Variants in ARHGEF9 observed in about 807,000 individuals in gnomAD.
ARHGEF9 encodes Cdc42 guanine nucleotide exchange factor 9.
ARHGEF9 carries 2 observed loss-of-function variants against 41.3 expected under a neutral mutation model. That is an observed-to-expected ratio of 0.05 (90% confidence interval 0.02 to 0.15). The LOEUF (loss-of-function observed/expected upper bound fraction) is 0.15. Among genes scored for constraint, ARHGEF9 ranks in the 10% least tolerant of loss-of-function variants. The probability of loss-of-function intolerance (pLI) is 1.00; values close to 1 mark genes in which losing one functional copy is unlikely to be tolerated. For synonymous variants in ARHGEF9, 160 were observed against 154.4 expected, an observed-to-expected ratio of 1.04 and a Z score of -0.27; for missense variants, 225 against 424.7, an observed-to-expected ratio of 0.53 and a Z score of 4.13.
intron 1 of ARHGEF9, among the ~76,000 whole-genome samples, chrX:63,747,771 G>A (rs1390133699): frequency 2.7e-5 from 3 of 112,348 alleles, no homozygotes; most frequent in Admixed American, 9.4e-5. Context: ...CATACACAAA[G>A]AATTTCCGGA....
At chrX:63,766,467 G>C (rs1556451890) in intron 1 of ARHGEF9, among the ~76,000 whole-genome samples, 1 of 111,943 alleles carries the variant, frequency 8.9e-6, no homozygotes, top group Admixed American at 9.5e-5. Flanking sequence ...CAATGCCTCT[G>C]TCCTCTCTTA....
In ARHGEF9 at chrX:63,674,183, A is replaced by G; in HGVS notation, c.816-16T>C. Reference sequence around the variant, plus strand: ...CCTGTAGTCACTGTGAAAACAAAAGAGTGCAAGTTGAACCAACCAATGTGC... The same window carrying G: ...CCTGTAGTCACTGTGAAAACAAAAGGGTGCAAGTTGAACCAACCAATGTGC... On this transcript the variant is annotated splice_polypyrimidine_tract_variant and intron_variant, in intron 5 of 9. Coordinates refer to ENST00000671741, the MANE Select transcript of ARHGEF9 (RefSeq NM_001353921.2). 2 of 1,209,753 alleles carry G rather than the reference A, an allele frequency of 1.7e-6. No homozygotes were observed. The highest frequency in any genetic ancestry group is 4.4e-5 in the Admixed American group (2 of 45,890).
At chrX:63,767,980 A>C (rs1316965551) in intron 1 of ARHGEF9, among the ~76,000 whole-genome samples, 31 of 112,250 alleles carry the variant, frequency 2.8e-4, no homozygotes, top group African/African-American at 1.0e-3. Flanking sequence ...ATGCATGTCA[A>C]GGCACTTTTT....
chrX:63,751,536 G>T (rs1248526807), intron 1 of ARHGEF9, among the ~76,000 whole-genome samples: 1 of 111,758 alleles, frequency 8.9e-6, no homozygotes, highest in Non-Finnish European at 1.9e-5. Flanking sequence ...CCTTCTGGTT[G>T]CTAGATGGTG....
At chrX:63,754,811 C>T in intron 1 of ARHGEF9, 1 of 941,237 alleles carries the variant, frequency 1.1e-6, no homozygotes, top group Non-Finnish European at 1.3e-6. Flanking sequence ...ATCGTTTGTC[C>T]CTAGCTGAGA....
intron 1 of ARHGEF9, among the ~76,000 whole-genome samples, chrX:63,728,219 C>T (rs1163706331): frequency 2.7e-5 from 3 of 112,263 alleles, no homozygotes; most frequent in Admixed American, 9.4e-5. Flanking sequence ...GAAATTGGTT[C>T]CAAATCTTCC....
At chrX:63,671,721 A>G (rs1556355778) in intron 6 of ARHGEF9, among the ~76,000 whole-genome samples, 2 of 112,519 alleles carry the variant, frequency 1.8e-5, no homozygotes, top group African/African-American at 6.5e-5. Context: ...GTACATGTGC[A>G]TATGTGCATG....
chrX:63,654,054 A>T (rs1332898381), intron 8 of ARHGEF9, among the ~76,000 whole-genome samples: 5 of 109,336 alleles, frequency 4.6e-5, no homozygotes, highest in Admixed American at 2.9e-4. Flanking sequence ...TGTTTATGAA[A>T]GTTATTACTG....
intron 1 of ARHGEF9, among the ~76,000 whole-genome samples, chrX:63,751,371 C>T (rs1226953785): frequency 9.0e-6 from 1 of 111,357 alleles, no homozygotes; most frequent in Admixed American, 9.5e-5. Context: ...CATAGGGTTC[C>T]GCTTCTCTGG....
intron 6 of ARHGEF9, among the ~76,000 whole-genome samples, chrX:63,668,464 A>G (rs2147278637): frequency 9.0e-6 from 1 of 111,483 alleles, no homozygotes; most frequent in East Asian, 2.8e-4. Context: ...TACTTGCAAC[A>G]TGTAACTCCA....
intron 1 of ARHGEF9, among the ~76,000 whole-genome samples, chrX:63,775,804 C>CA (rs2056284172): frequency 9.0e-6 from 1 of 111,534 alleles, no homozygotes; most frequent in Admixed American, 9.5e-5. Context: ...CAAACTGGCA[C>CA]ACATACTCCT....
intron 7 of ARHGEF9, among the ~76,000 whole-genome samples, chrX:63,663,324 C>A (rs1173084244): frequency 5.4e-5 from 6 of 111,162 alleles, no homozygotes; most frequent in Admixed American, 9.6e-5. Flanking sequence ...TTGACTCATT[C>A]TAGGATTCAT....
chrX:63,766,816 C>G (rs2056120820), intron 1 of ARHGEF9: 1 of 277,624 alleles, frequency 3.6e-6, no homozygotes. Context: ...GCTGAGCCAT[C>G]CAAGACCCCT....
At chrX:63,736,886 T>C (rs1556423352) in intron 1 of ARHGEF9, 2 of 111,579 alleles carry the variant, frequency 1.8e-5, no homozygotes, top group Admixed American at 1.9e-4. Flanking sequence ...AATATTAATG[T>C]AGTATGTGTT....
chrX:63,723,960 A>C (rs1438822239), intron 2 of ARHGEF9, among the ~76,000 whole-genome samples: 2 of 112,006 alleles, frequency 1.8e-5, no homozygotes, highest in Admixed American at 1.9e-4. Context: ...CTCTTGAAAA[A>C]AGTAAAATTT....
At position 63,674,086 on chromosome X, in the gene ARHGEF9, C is replaced by T. The variant is rs782561617; in HGVS notation, c.897G>A (p.Glu299=). 1 of 1,209,565 alleles carries T rather than the reference C, an allele frequency of 8.3e-7. No homozygotes were observed. The highest frequency in any genetic ancestry group is 3.0e-5 in the East Asian group (1 of 33,765). ...GCCACTGAGCAATCTTGTCAATATTCTCTAAACGTCGCTTGCGTTCGTTGA... is the reference window on the plus strand; with the variant it reads ...GCCACTGAGCAATCTTGTCAATATTTTCTAAACGTCGCTTGCGTTCGTTGA... ...QQINERKRRL[E]NIDKIAQWQA... Residue 299 remains glutamate, a synonymous_variant, in exon 6 of 10, where the codon GAG becomes GAA. Coordinates refer to ENST00000671741, the MANE Select transcript of ARHGEF9 (RefSeq NM_001353921.2).
At chrX:63,769,627 C>T (rs1272986023) in intron 1 of ARHGEF9, among the ~76,000 whole-genome samples, 11 of 111,173 alleles carry the variant, frequency 9.9e-5, no homozygotes, top group Non-Finnish European at 1.1e-4. Flanking sequence ...TTTCTTGGGC[C>T]GGGCCCAGGG....
chrX:63,647,168 A>G (rs1164052858), intron 8 of ARHGEF9, among the ~76,000 whole-genome samples: 1 of 111,625 alleles, frequency 9.0e-6, no homozygotes, highest in African/African-American at 3.3e-5. Flanking sequence ...TAATCATGTC[A>G]TCTGCAAACA....
chrX:63,637,044 T>G lies in ARHGEF9; in HGVS notation c.*984A>C, dbSNP rs2047342153. 3.4e-6 allele frequency: 1 copy of G among 295,387 alleles called. No homozygotes were observed. The highest frequency in any genetic ancestry group is 6.2e-5 in the Admixed American group (1 of 16,171). 24.3% of individuals were successfully genotyped at this position (295,387 alleles called of 1,213,427 possible). On this transcript the variant is annotated 3_prime_UTR_variant, in exon 10 of 10. Transcript: ENST00000671741. The stretch of plus-strand genomic sequence containing the variant: ...GGGAGGCAGAATCTCAACCTCTGCT[T>G]CCAGTTCAGATCTTTTGGGCTAAGG...
Sources: allele counts gnomAD v4.1 joint callset (sites outside exome capture counted in the v4.1 genomes callset), GRCh38; gene constraint gnomAD v4.1.1; transcripts MANE v1.5; gene names NCBI Gene and HGNC (gene_info 2026-07-23, HGNC 2026-07-21).